The following CCDC186 variants were observed in gnomAD, a reference collection of about 807,000 sequenced individuals.
CCDC186 encodes the protein coiled-coil domain containing 186.
A neutral mutation model predicts 113.7 loss-of-function variants in CCDC186; 49 were observed. The ratio of observed to expected loss-of-function variants is 0.43; its 90% CI spans 0.34 to 0.55. The LOEUF (loss-of-function observed/expected upper bound fraction) is 0.55. Among genes scored for constraint, CCDC186 ranks in the 20% least tolerant of loss-of-function variants. The pLI is 0.02. For missense variants in CCDC186, 890 were observed against 1,011.1 expected, an observed-to-expected ratio of 0.88 and a Z score of 1.62; for synonymous variants, 355 against 345.8, an observed-to-expected ratio of 1.03 and a Z score of -0.30.
chr10:114,173,327 A>G lies in CCDC186; in HGVS notation c.-62+688T>C, dbSNP rs912277512. ...GTTAAACTGTTAACAGCTAAGCAAT[A>G]CTCACACCTGCACTGTTTCCCAAGA... On this transcript the variant is annotated intron_variant, in intron 1 of 15. Coordinates refer to ENST00000369287, the MANE Select transcript of CCDC186 (RefSeq NM_018017.4). 2.0e-4 allele frequency: 85 copies of G among 415,256 alleles called. 1 individual carries two copies. Among genetic ancestry groups the G allele is most frequent in the Non-Finnish European group, 4.4e-5 (9 of 204,150 alleles). The allele number at this position is 415,256 out of a possible 1,614,324, so 25.7% of individuals were successfully genotyped here. A position where few individuals can be genotyped will look rare whatever the true frequency, so the allele number is the denominator to read the frequency against.
At chr10:114,171,364 T>C (rs886404887) in intron 1 of CCDC186, among the ~76,000 whole-genome samples, 4 of 151,742 alleles carry the variant, frequency 2.6e-5, no homozygotes, top group African/African-American at 9.7e-5. Context: ...TAGCAAGACC[T>C]GGTCTATAAA....
intron 4 of CCDC186, among the ~76,000 whole-genome samples, chr10:114,147,773 T>C (rs907854168): frequency 6.6e-6 from 1 of 152,076 alleles, no homozygotes; most frequent in Non-Finnish European, 1.5e-5. Context: ...TTCACTGAAG[T>C]TGAGAGATAG....
intron 4 of CCDC186, among the ~76,000 whole-genome samples, chr10:114,150,417 T>A (rs1399958252): frequency 6.6e-6 from 1 of 152,154 alleles, no homozygotes; most frequent in Non-Finnish European, 1.5e-5. Context: ...ATCATTCCAA[T>A]CAAATGGGGG....
chr10:114,168,570 C>T (rs1443363085), intron 1 of CCDC186, among the ~76,000 whole-genome samples: 2 of 152,188 alleles, frequency 1.3e-5, no homozygotes, highest in Admixed American at 1.3e-4. Context: ...ACCTGGACCA[C>T]TAAACTGGCT....
intron 6 of CCDC186, among the ~76,000 whole-genome samples, chr10:114,137,866 G>A (rs541098851): frequency 6.8e-4 from 103 of 151,728 alleles, no homozygotes; most frequent in African/African-American, 2.3e-3. Context: ...GAGAAACCCC[G>A]TCTCTATTAA....
At chr10:114,157,765 A>T (rs2032054893) in intron 2 of CCDC186, 85 bp from the exon 3 acceptor site, 1 of 1,037,622 alleles carries the variant, frequency 9.6e-7, no homozygotes, top group African/African-American at 1.7e-5. Context: ...TTTACAGATC[A>T]GGGTACAGAT....
chr10:114,154,231 A>AAC (rs2031943886), intron 3 of CCDC186, among the ~76,000 whole-genome samples: 1 of 151,090 alleles, frequency 6.6e-6, no homozygotes, highest in African/African-American at 2.4e-5. Flanking sequence ...AAAAAAAGAA[A>AAC]AGAAAAAGAA....
At chr10:114,142,542 CAAATAAAAGGCTTCTGTTTT>C (rs2031503334) in intron 6 of CCDC186, among the ~76,000 whole-genome samples, 1 of 152,210 alleles carries the variant, frequency 6.6e-6, no homozygotes, top group African/African-American at 2.4e-5. Context: ...TACTGTACTC[CAAATAAAAGGCTTCTGTTTT>C]TACAGGCTAG....
In CCDC186 at chr10:114,124,768, C is replaced by T. The variant is rs41293048; in HGVS notation, c.*375G>A. 9,601 of 166,004 alleles carry T rather than the reference C, an allele frequency of 0.058. 320 individuals are homozygous for T. Among genetic ancestry groups the T allele is most frequent in the Middle Eastern group, 0.093 (33 of 356 alleles). The allele number at this position is 166,004 out of a possible 1,614,324, so 10.3% of individuals were successfully genotyped here. ...TTACTGAATGTTTACCACCTGTTTT[C>T]ATGCATAATTTTTAAAAGGTGAGTC... On this transcript the variant is annotated 3_prime_UTR_variant, in exon 16 of 16. Transcript: ENST00000369287.
chr10:114,142,639 G>C (rs1333666571), intron 6 of CCDC186, among the ~76,000 whole-genome samples: 1 of 152,166 alleles, frequency 6.6e-6, no homozygotes, highest in Non-Finnish European at 1.5e-5. Flanking sequence ...TGTTTCTCTT[G>C]GGTAGTCTGA....
intron 3 of CCDC186, among the ~76,000 whole-genome samples, chr10:114,156,195 C>T (rs1012773906): frequency 1.1e-4 from 16 of 152,186 alleles, no homozygotes; most frequent in African/African-American, 3.9e-4. Context: ...TACAATTTTA[C>T]AAATACAGTC....
chr10:114,134,196 T>A (rs2031185017), intron 10 of CCDC186, among the ~76,000 whole-genome samples: 3 of 152,028 alleles, frequency 2.0e-5, no homozygotes, highest in Admixed American at 2.0e-4. Context: ...ATTTTTTCTG[T>A]GAAGAAGTAA....
intron 3 of CCDC186, among the ~76,000 whole-genome samples, chr10:114,151,715 TCA>T (rs2031862454): frequency 2.6e-5 from 4 of 152,210 alleles, no homozygotes; most frequent in African/African-American, 9.6e-5. Context: ...AGTAGCCATC[TCA>T]GTTACCAGAC....
intron 6 of CCDC186, among the ~76,000 whole-genome samples, chr10:114,138,175 A>C (rs2031338829): frequency 6.9e-6 from 1 of 145,496 alleles, no homozygotes; most frequent in South Asian, 2.4e-4. Context: ...AGGAGGCAGC[A>C]GTTGCAGTGA....
rs1475522455 is a variant in CCDC186, at chr10:114,135,905, T to C, written c.1498A>G (p.Thr500Ala). The change falls in exon 9 of 16, where the codon ACA becomes GCA. Residue 500 changes from threonine to alanine, a missense_variant. By Grantham distance (58) the Thr-to-Ala change is moderately conservative. Transcript: ENST00000369287. ...GACTGAATTACCTTTGTTCTCAGTG[T>C]TCTTAACTCATCCATACCCTCCTTA... ...TFKEGMDELR[T>A]LRTKVKCLED... 4 of 1,611,372 alleles carry C rather than the reference T, an allele frequency of 2.5e-6. No homozygotes were observed. Among genetic ancestry groups the C allele is most frequent in the Admixed American group, 1.7e-5 (1 of 60,002 alleles).
chr10:114,169,461 TG>T (rs1013181441), intron 1 of CCDC186, among the ~76,000 whole-genome samples: 2 of 152,052 alleles, frequency 1.3e-5, no homozygotes, highest in African/African-American at 4.8e-5. Flanking sequence ...CCAGGCTCTC[TG>T]GAACTCCTGA....
At chr10:114,137,331 C>T (rs973127826) in intron 6 of CCDC186, 41 bp from the exon 7 acceptor site, 15 of 1,440,554 alleles carry the variant, frequency 1.0e-5, no homozygotes, top group East Asian at 2.3e-5. Context: ...GGTACAGCAA[C>T]GTGATGAATG....
At chr10:114,127,431 G>A in intron 14 of CCDC186, 30 bp downstream of exon 14, 1 of 1,588,780 alleles carries the variant, frequency 6.3e-7, no homozygotes, top group East Asian at 2.2e-5. Flanking sequence ...GTATTTTGAA[G>A]ACCGATCATG....
At chr10:114,130,707 GA>G (rs1440547968) in intron 12 of CCDC186, 2 of 152,296 alleles carry the variant, frequency 1.3e-5, no homozygotes, top group African/African-American at 4.8e-5. Flanking sequence ...GAATGTAAAA[GA>G]AGATATCAGA....
Sources: gnomAD v4.1 joint callset for allele counts (sites outside exome capture counted in the v4.1 genomes callset) on GRCh38, gnomAD v4.1.1 for gene constraint, MANE v1.5 for transcripts, NCBI Gene and HGNC (gene_info 2026-07-23, HGNC 2026-07-21) for gene names.